BBS2: variants seen among roughly 807,000 people sequenced by gnomAD.
BBS2 encodes Bardet-Biedl syndrome 2.
In BBS2, 62 loss-of-function variants were observed where a neutral mutation model predicts 83.0. The observed-to-expected ratio is 0.75, with a 90% CI of 0.61 to 0.92. The LOEUF is 0.92. BBS2 is among the 40% of genes least tolerant of loss of function. The pLI is 0.00. For missense variants in BBS2, 784 were observed against 901.0 expected, an observed-to-expected ratio of 0.87 and a Z score of 1.66; for synonymous variants, 303 against 326.1, an observed-to-expected ratio of 0.93 and a Z score of 0.76.
Position 56,506,201 on chromosome 16 carries a change from C to T in BBS2, c.636G>A (p.Met212Ile), listed in dbSNP as rs1461732222. 1 of 1,613,894 alleles carries T rather than the reference C, an allele frequency of 6.2e-7. No individual in the cohort carries two copies. Among genetic ancestry groups the T allele is most frequent in the Non-Finnish European group, 8.5e-7 (1 of 1,179,882 alleles). ...ETEIVTSLCP[M>I]YGSRFGYALS... ...GGGCATAACCAAATCGACTGCCATA[C>T]ATGGGACAAAGAGAGGTGACTATCT... The change falls in exon 6 of 17, where the codon ATG becomes ATA. Residue 212 changes from methionine (M) to isoleucine (I), a missense_variant. Coordinates refer to ENST00000245157, the MANE Select transcript of BBS2 (RefSeq NM_031885.5).
chr16:56,475,582 A>G (rs1350901999), intron 17 of BBS2: 1 of 1,609,886 alleles, frequency 6.2e-7, no homozygotes, highest in South Asian at 1.1e-5. Context: ...TTCTTCTGAT[A>G]GCAAACTATC....
chr16:56,512,728 T>C (rs558508560), intron 2 of BBS2, among the ~76,000 whole-genome samples: 1 of 152,318 alleles, frequency 6.6e-6, no homozygotes, highest in East Asian at 1.9e-4. Context: ...ACAACAATAT[T>C]TTCTGAGGTG....
chr16:56,518,965 A>C (rs1198420031), intron 1 of BBS2, among the ~76,000 whole-genome samples: 2 of 152,244 alleles, frequency 1.3e-5, no homozygotes, highest in Admixed American at 1.3e-4. Flanking sequence ...CTGAATGTAC[A>C]TGGGCAAGGA....
At chr16:56,494,066 T>A (rs1964040049) in intron 15 of BBS2, among the ~76,000 whole-genome samples, 1 of 151,950 alleles carries the variant, frequency 6.6e-6, no homozygotes, top group African/African-American at 2.4e-5. Context: ...TCCAGAGATC[T>A]TCTTACCTCT....
chr16:56,500,686 T>C (rs1034256510), intron 11 of BBS2, 168 bp downstream of exon 11: 1 of 651,630 alleles, frequency 1.5e-6, no homozygotes, highest in Non-Finnish European at 2.6e-6. Flanking sequence ...ATTTTCTTTT[T>C]ACAGGTTTCA....
chr16:56,508,380 C>T (rs1262512669), intron 5 of BBS2, among the ~76,000 whole-genome samples: 1 of 152,174 alleles, frequency 6.6e-6, no homozygotes, highest in Non-Finnish European at 1.5e-5. Context: ...TTTGCAAAAT[C>T]CCACCATTCT....
chr16:56,514,656 G>A lies in BBS2; in HGVS notation c.142C>T (p.Arg48Trp), dbSNP rs1030249829. 7 of 1,613,764 alleles carry A rather than the reference G, an allele frequency of 4.3e-6. No individual in the cohort carries two copies. Among genetic ancestry groups the A allele is most frequent in the Admixed American group, 1.7e-5 (1 of 60,004 alleles). Residue 48 changes from arginine to tryptophan, a missense_variant, in exon 2 of 17, where the codon CGG (arginine) becomes TGG (tryptophan). Transcript: ENST00000245157. ...GKVFIHNPHT[R>W]NQHVSASRVF... ...CTGGATGCACTGACATGCTGGTTCC[G>A]TGTATGAGGATTATGAATAAAAACC... is the stretch of plus-strand genomic sequence containing the variant.
At chr16:56,502,112 T>TA (rs1282550128) in intron 9 of BBS2, 1 of 725,192 alleles carries the variant, frequency 1.4e-6, no homozygotes, top group Non-Finnish European at 2.4e-6. Flanking sequence ...GAAATGTCCT[T>TA]AAACAATCAG....
intron 15 of BBS2, among the ~76,000 whole-genome samples, chr16:56,490,008 TCC>T (rs528776984): frequency 0.024 from 3,602 of 151,756 alleles, 70 homozygotes; most frequent in East Asian, 0.057. Flanking sequence ...TCCCAGCTAC[TCC>T]AGCAGCTGAG....
chr16:56,513,796 C>A (rs1466050242), intron 2 of BBS2, among the ~76,000 whole-genome samples: 1 of 152,072 alleles, frequency 6.6e-6, no homozygotes, highest in African/African-American at 2.4e-5. Flanking sequence ...TCTGGATACA[C>A]TAAAAACCAC....
intron 15 of BBS2, among the ~76,000 whole-genome samples, chr16:56,487,848 G>A (rs1212616891): frequency 6.6e-6 from 1 of 152,174 alleles, no homozygotes; most frequent in Non-Finnish European, 1.5e-5. Flanking sequence ...ACCCACACCA[G>A]ATATTGAAAC....
At chr16:56,518,756 GTTAGCTTCTGGACTA>G (rs149769881) in intron 1 of BBS2, among the ~76,000 whole-genome samples, 46 of 100,938 alleles carry the variant, frequency 4.6e-4, no homozygotes, top group South Asian at 4.1e-3. Context: ...TGCCTTGTCT[GTTAGCTTCTGGACTA>G]TAAGCTTTCT....
chr16:56,489,562 C>T (rs1246485381), intron 15 of BBS2, among the ~76,000 whole-genome samples: 1 of 151,796 alleles, frequency 6.6e-6, no homozygotes, highest in Admixed American at 6.6e-5. Flanking sequence ...TTTGGGAGGC[C>T]GAGGTTGGTG....
chr16:56,492,482 T>C (rs1963983958), intron 15 of BBS2, among the ~76,000 whole-genome samples: 1 of 152,102 alleles, frequency 6.6e-6, no homozygotes, highest in Admixed American at 6.5e-5. Context: ...AAGAGTAGAA[T>C]GATAGTTGAA....
chr16:56,496,953 T>C lies in BBS2; in HGVS notation c.1910+14A>G. 6.3e-7 allele frequency: 1 copy of C among 1,591,044 alleles called. No homozygotes were observed. The highest frequency in any genetic ancestry group is 1.3e-5 in the African/African-American group (1 of 74,570). On this transcript the variant is annotated intron_variant, in intron 15 of 16. Coordinates refer to ENST00000245157, the MANE Select transcript of BBS2 (RefSeq NM_031885.5). The stretch of plus-strand genomic sequence containing the variant: ...TTTAACCCTGCACCTGTACTAACCA[T>C]GACAAATACTCACATGTCCCTCATC...
At chr16:56,493,847 A>C (rs1964032807) in intron 15 of BBS2, among the ~76,000 whole-genome samples, 1 of 152,208 alleles carries the variant, frequency 6.6e-6, no homozygotes, top group African/African-American at 2.4e-5. Flanking sequence ...AAAAAATCTT[A>C]AACTGTTTTC....
chr16:56,505,875 T>C (rs1964407615), intron 7 of BBS2, 75 bp downstream of exon 7: 2 of 1,140,620 alleles, frequency 1.8e-6, no homozygotes, highest in Admixed American at 3.4e-5. Context: ...ATGTTACTGT[T>C]CTAAGTCCTA....
rs201146063 is a variant in BBS2, at chr16:56,502,411, A to G, written c.986T>C (p.Met329Thr). ...CAGGTCCTGCTCTGCACTGGTGTCC[A>G]TGAGGTTGCCCCTCATCTCAGCCGT... The part of the protein sequence containing the change: ...PGTAEMRGNL[M>T]DTSAEQDLIR... Residue 329 changes from methionine (M) to threonine (T), a missense_variant, in exon 9 of 17, where the codon ATG (methionine) becomes ACG (threonine). Coordinates refer to ENST00000245157, the MANE Select transcript of BBS2 (RefSeq NM_031885.5). 33 of 1,614,206 alleles carry G rather than the reference A, an allele frequency of 2.0e-5. No homozygotes were observed. Among genetic ancestry groups the G allele is most frequent in the Middle Eastern group, 1.6e-4 (1 of 6,062 alleles).
chr16:56,512,980 C>T (rs761458227), intron 2 of BBS2, among the ~76,000 whole-genome samples: 1 of 152,100 alleles, frequency 6.6e-6, no homozygotes, highest in African/African-American at 2.4e-5. Flanking sequence ...TAGTGAGACC[C>T]TATCTCTCTA....
Sources: allele counts gnomAD v4.1 joint callset (sites outside exome capture counted in the v4.1 genomes callset), GRCh38; gene constraint gnomAD v4.1.1; transcripts MANE v1.5; gene names NCBI Gene and HGNC (gene_info 2026-07-23, HGNC 2026-07-21).